The following ZNF124 variants were observed in gnomAD, a reference collection of about 807,000 sequenced individuals.
ZNF124 encodes the protein zinc finger protein 124, also known as zinc finger protein HZF-16.
A neutral mutation model predicts 26.6 loss-of-function variants in ZNF124; 25 were observed. That is an observed-to-expected ratio of 0.94 (90% CI 0.68 to 1.31). The LOEUF (loss-of-function observed/expected upper bound fraction) is 1.31. ZNF124 is among the 40% of genes most tolerant of loss of function. ZNF124 has a pLI of 0.00. For missense variants in ZNF124, 444 were observed against 422.2 expected (o/e 1.05, Z -0.45); for synonymous variants, 129 against 133.3 (o/e 0.97, Z 0.22).
Position 247,156,339 on chromosome 1 carries a change from C to A in ZNF124, c.*227G>T. ...CAGGCCTTACCACATTTTAAACATT[C>A]ATATGGATTTTCTTCAGTGAGTCCT... is the stretch of plus-strand genomic sequence containing the variant. On this transcript the variant is annotated 3_prime_UTR_variant, in exon 4 of 4. Coordinates refer to ENST00000543802, the MANE Select transcript of ZNF124 (RefSeq NM_001297568.2). The A allele has an allele frequency of 2.4e-6, 3 of 1,229,836 alleles. No individual in the cohort carries two copies. The highest frequency in any genetic ancestry group is 3.0e-6 in the Non-Finnish European group (3 of 985,888). The allele number at this position is 1,229,836 out of a possible 1,614,324, so 76.2% of individuals were successfully genotyped here.
At chr1:247,146,543 A>G (rs1351890180) in intron 3 of ZNF124, among the ~76,000 whole-genome samples, 1 of 152,190 alleles carries the variant, frequency 6.6e-6, no homozygotes, top group Non-Finnish European at 1.5e-5. Flanking sequence ...TATGAGTCAG[A>G]CACCCCAAAG....
intron 3 of ZNF124, chr1:247,138,680 G>C: frequency 2.5e-6 from 1 of 398,512 alleles, no homozygotes; most frequent in Non-Finnish European, 4.4e-6. Context: ...CAAGAGTGCA[G>C]AGAAAGAAAG....
downstream of ZNF124, among the ~76,000 whole-genome samples, chr1:247,152,366 T>C (rs1360109553): frequency 1.3e-5 from 2 of 150,758 alleles, no homozygotes; most frequent in African/African-American, 4.9e-5. Context: ...GAGGGAAAAG[T>C]AGAATTCTAT....
chr1:247,159,177 G>A lies in ZNF124; in HGVS notation c.158-111C>T, dbSNP rs148758597. The A allele has an allele frequency of 6.9e-4, 676 of 981,466 alleles. 4 individuals carry two copies. The African/African-American group carries it at 9.7e-3, about 14-fold the overall frequency. The allele number at this position is 981,466 out of a possible 1,614,324, so 60.8% of individuals were successfully genotyped here. ...GTTTGTACCCACCAAAATGAATGCT[G>A]TAATTTGGTCATCAATATGGCAACA... On this transcript the variant is annotated intron_variant, in intron 2 of 3. Transcript: ENST00000543802.
At chr1:247,127,706 C>G (rs186383938) in intron 3 of ZNF124, among the ~76,000 whole-genome samples, 1 of 146,016 alleles carries the variant, frequency 6.8e-6, no homozygotes, top group African/African-American at 2.5e-5. Context: ...CCCCCAGTCA[C>G]GTACCCCCTG....
chr1:247,134,782 A>G lies in ZNF124; in HGVS notation c.219-10911T>C, dbSNP rs954641736. Among the ~76,000 whole-genome samples, 3 of 152,332 alleles carry G rather than the reference A, an allele frequency of 2.0e-5. No individual in the cohort carries two copies. In the South Asian group the frequency reaches 6.2e-4, roughly 32 times the overall value. On this transcript the variant is annotated intron_variant, in intron 3 of 3. Coordinates refer to the ZNF124 transcript ENST00000472531. ...GATGTCTAAAGAACTCTCTACCACAAATCAATAGAATATACATTCTTCTCA... is the reference window on the plus strand; with the variant it reads ...GATGTCTAAAGAACTCTCTACCACAGATCAATAGAATATACATTCTTCTCA...
At chr1:247,152,958 T>C (rs950759587), downstream of ZNF124, among the ~76,000 whole-genome samples, 11 of 151,868 alleles carry the variant, frequency 7.2e-5, no homozygotes, top group Middle Eastern at 3.2e-3. Flanking sequence ...ACGGTGAAAC[T>C]CCAACTCTAC....
At chr1:247,133,239 GA>G (rs373728941) in intron 3 of ZNF124, among the ~76,000 whole-genome samples, 81 of 149,794 alleles carry the variant, frequency 5.4e-4, no homozygotes, top group African/African-American at 1.7e-3. Flanking sequence ...CAAGAAGAGA[GA>G]AAAAAAAATG....
At chr1:247,122,493 C>A (rs1409243139) in exon 4 of ZNF124, 2 of 152,322 alleles carry the variant, frequency 1.3e-5, no homozygotes, top group Non-Finnish European at 2.9e-5. Flanking sequence ...AAATGCCCAT[C>A]AACAGTGAAG....
chr1:247,142,750 T>G (rs903315685), intron 3 of ZNF124, among the ~76,000 whole-genome samples: 1 of 152,140 alleles, frequency 6.6e-6, no homozygotes, highest in African/African-American at 2.4e-5. Flanking sequence ...CTGGCTCATA[T>G]CATTTACCTA....
chr1:247,159,545 CAA>C, intron 2 of ZNF124, 140 bp downstream of exon 2: 2 of 764,626 alleles, frequency 2.6e-6, no homozygotes, highest in Non-Finnish European at 4.1e-6. Context: ...GACTAAGAAA[CAA>C]GAGTCATTGC....
In ZNF124 at chr1:247,155,735, C is replaced by A. The variant is rs1673090854; in HGVS notation, c.*831G>T. 5.7e-6 allele frequency: 1 copy of A among 174,398 alleles called. No homozygotes were observed. Among genetic ancestry groups the A allele is most frequent in the Non-Finnish European group, 1.1e-5 (1 of 88,538 alleles). 10.8% of individuals were successfully genotyped at this position (174,398 alleles called of 1,614,324 possible). A position where few individuals can be genotyped will look rare whatever the true frequency, so the allele number is the denominator to read the frequency against. On this transcript the variant is annotated 3_prime_UTR_variant, in exon 4 of 4. Transcript: ENST00000543802. ...AATTAGCTGGGCATGGTGGCAGGCACCTGTAGTCCCAGCTACTCAGGAGGC... is the reference window on the plus strand; with the variant it reads ...AATTAGCTGGGCATGGTGGCAGGCAACTGTAGTCCCAGCTACTCAGGAGGC...
chr1:247,153,096 G>A (rs1393809204), downstream of ZNF124, among the ~76,000 whole-genome samples: 1 of 150,244 alleles, frequency 6.7e-6, no homozygotes, highest in Non-Finnish European at 1.5e-5. Flanking sequence ...TTGCGCCACT[G>A]CACTCCAGCC....
intron 3 of ZNF124, among the ~76,000 whole-genome samples, chr1:247,157,944 G>A (rs577603272): frequency 2.1e-4 from 30 of 139,572 alleles, no homozygotes; most frequent in African/African-American, 8.7e-4. Flanking sequence ...TGAAAGATCC[G>A]ATTGTTAAAA....
chr1:247,155,729 C>T lies in ZNF124; in HGVS notation c.*837G>A, dbSNP rs1460039240. ...ACAAAAAATTAGCTGGGCATGGTGG[C>T]AGGCACCTGTAGTCCCAGCTACTCA... On this transcript the variant is annotated 3_prime_UTR_variant, in exon 4 of 4. Coordinates refer to ENST00000543802, the MANE Select transcript of ZNF124 (RefSeq NM_001297568.2). 6.0e-6 allele frequency: 1 copy of T among 168,030 alleles called. No homozygotes were observed. The highest frequency in any genetic ancestry group is 1.2e-5 in the Non-Finnish European group (1 of 82,728). 10.4% of individuals were successfully genotyped at this position (168,030 alleles called of 1,614,324 possible).
chr1:247,160,976 G>A (rs531048854), intron 1 of ZNF124, among the ~76,000 whole-genome samples: 1 of 152,272 alleles, frequency 6.6e-6, no homozygotes, highest in South Asian at 2.1e-4. Context: ...GAAAAGGCAT[G>A]CGTTCAAAGA....
intron 3 of ZNF124, 37 bp from the exon 4 acceptor site, chr1:247,157,440 C>A: frequency 6.5e-7 from 1 of 1,532,668 alleles, no homozygotes; most frequent in Non-Finnish European, 8.9e-7. Context: ...GAATTTTTCA[C>A]ACACAATGCA....
chr1:247,170,547 G>C (rs982928776), intron 1 of ZNF124, among the ~76,000 whole-genome samples: 1 of 144,780 alleles, frequency 6.9e-6, no homozygotes, highest in Non-Finnish European at 1.5e-5. Context: ...AGCAGGGCAA[G>C]CTGCAGACAA....
chr1:247,150,892 AAT>A (rs1672914754), downstream of ZNF124, among the ~76,000 whole-genome samples: 2 of 151,846 alleles, frequency 1.3e-5, no homozygotes, highest in African/African-American at 4.8e-5. Context: ...AAAAATAACA[AAT>A]AAAATTTTAT....
Sources: allele counts gnomAD v4.1 joint callset (sites outside exome capture counted in the v4.1 genomes callset), GRCh38; gene constraint gnomAD v4.1.1; transcripts MANE v1.5; gene names NCBI Gene and HGNC (gene_info 2026-07-23, HGNC 2026-07-21).